The following GRIK2 variants were observed in gnomAD, a reference collection of about 807,000 sequenced individuals.
GRIK2 encodes glutamate ionotropic receptor kainate type subunit 2.
In GRIK2, 32 loss-of-function variants were observed where a neutral mutation model predicts 100.3. The observed-to-expected ratio is 0.32, with a 90% CI of 0.24 to 0.43. The LOEUF is 0.43. Ranked by LOEUF, GRIK2 falls within the 20% of genes least tolerant of loss-of-function variation. The pLI is 1.00. For missense variants in GRIK2, 843 were observed against 1,114.9 expected (o/e 0.76, Z 3.47); for synonymous variants, 417 against 389.4 (o/e 1.07, Z -0.83).
chr6:102,020,846 C>T (rs1020792895), intron 14 of GRIK2, among the ~76,000 whole-genome samples: 5 of 151,476 alleles, frequency 3.3e-5, no homozygotes, highest in African/African-American at 1.2e-4. Flanking sequence ...TAAGGATATT[C>T]CGAAGGAACA....
intron 12 of GRIK2, chr6:101,891,498 T>G: frequency 2.9e-6 from 1 of 341,348 alleles, no homozygotes; most frequent in Admixed American, 4.3e-5. Context: ...GCCTGGGAGA[T>G]ATAGCAGGAC....
At chr6:101,501,784 G>A (rs1315090161) in intron 2 of GRIK2, among the ~76,000 whole-genome samples, 1 of 152,048 alleles carries the variant, frequency 6.6e-6, no homozygotes, top group Non-Finnish European at 1.5e-5. Context: ...CCAAGACAGG[G>A]TCTCACTTTA....
At chr6:101,603,896 A>C (rs1044508627) in intron 2 of GRIK2, among the ~76,000 whole-genome samples, 4 of 151,924 alleles carry the variant, frequency 2.6e-5, no homozygotes, top group Middle Eastern at 3.4e-3. Context: ...GAATAAGAAA[A>C]AAGAATTATG....
chr6:101,710,083 TAG>T (rs1163731101), intron 7 of GRIK2, among the ~76,000 whole-genome samples: 3 of 152,010 alleles, frequency 2.0e-5, no homozygotes, highest in Non-Finnish European at 4.4e-5. Context: ...ATGCCACTGT[TAG>T]AGATACTTGG....
intron 15 of GRIK2, among the ~76,000 whole-genome samples, chr6:102,051,736 C>T (rs950032563): frequency 3.3e-5 from 5 of 152,086 alleles, no homozygotes; most frequent in Admixed American, 3.3e-4. Context: ...CTACCTTCCT[C>T]CACTCATTTA....
At chr6:101,748,431 A>T (rs931921044) in intron 7 of GRIK2, among the ~76,000 whole-genome samples, 2 of 152,140 alleles carry the variant, frequency 1.3e-5, no homozygotes, top group African/African-American at 4.8e-5. Flanking sequence ...TGGGACAGCT[A>T]AAAGACATTA....
chr6:101,765,334 A>T (rs1242857399), intron 7 of GRIK2, among the ~76,000 whole-genome samples: 1 of 152,164 alleles, frequency 6.6e-6, no homozygotes, highest in African/African-American at 2.4e-5. Context: ...GCATTAGCTT[A>T]GTGCCTAGCA....
chr6:102,042,580 TA>T (rs2114457932), intron 15 of GRIK2, among the ~76,000 whole-genome samples: 1 of 151,680 alleles, frequency 6.6e-6, no homozygotes, highest in African/African-American at 2.4e-5. Flanking sequence ...GAAAAAGATA[TA>T]TTTTTTTCTT....
intron 7 of GRIK2, among the ~76,000 whole-genome samples, chr6:101,701,374 T>TA (rs1338116896): frequency 6.6e-6 from 1 of 152,060 alleles, no homozygotes; most frequent in African/African-American, 2.4e-5. Context: ...TCAGGGGTCT[T>TA]ACGAATAATG....
intron 15 of GRIK2, among the ~76,000 whole-genome samples, chr6:102,046,925 A>T (rs978006373): frequency 3.9e-5 from 6 of 152,164 alleles, no homozygotes; most frequent in African/African-American, 1.4e-4. Flanking sequence ...GAAAATTAAC[A>T]AGTATGTAGA....
At chr6:101,911,284 A>G (rs1272637568) in intron 12 of GRIK2, among the ~76,000 whole-genome samples, 2 of 151,560 alleles carry the variant, frequency 1.3e-5, no homozygotes, top group Non-Finnish European at 3.0e-5. Flanking sequence ...TGCCTGTCAC[A>G]ATTACAAAAC....
At chr6:101,785,145 T>A in intron 7 of GRIK2, among the ~76,000 whole-genome samples, 1 of 147,488 alleles carries the variant, frequency 6.8e-6, no homozygotes, top group African/African-American at 2.4e-5. Flanking sequence ...TTAATGGGAT[T>A]TTTTATTTAT....
intron 7 of GRIK2, among the ~76,000 whole-genome samples, chr6:101,739,655 G>C (rs1775898355): frequency 6.6e-6 from 1 of 152,080 alleles, no homozygotes; most frequent in African/African-American, 2.4e-5. Flanking sequence ...AAAAAATTAG[G>C]TAATTATAAG....
intron 7 of GRIK2, among the ~76,000 whole-genome samples, chr6:101,773,125 A>G (rs1290552821): frequency 6.6e-6 from 1 of 152,220 alleles, no homozygotes; most frequent in African/African-American, 2.4e-5. Context: ...TCCTCATGGC[A>G]ATAAAACAAT....
chr6:102,023,343 TA>T (rs573848555), intron 14 of GRIK2, among the ~76,000 whole-genome samples: 1 of 149,914 alleles, frequency 6.7e-6, no homozygotes, highest in Admixed American at 6.7e-5. Flanking sequence ...AAGGGAGGGG[TA>T]AAAAAAGAAA....
At chr6:101,721,952 T>C (rs186563878) in intron 7 of GRIK2, among the ~76,000 whole-genome samples, 1 of 152,148 alleles carries the variant, frequency 6.6e-6, no homozygotes, top group East Asian at 1.9e-4. Context: ...TTTTTTCCGA[T>C]TTATTTTTGT....
chr6:101,994,838 G>A (rs1386754904), intron 14 of GRIK2, among the ~76,000 whole-genome samples: 1 of 151,580 alleles, frequency 6.6e-6, no homozygotes, highest in African/African-American at 2.4e-5. Context: ...TAAATTATAG[G>A]GCAACCATAA....
chr6:101,805,672 G>A lies in GRIK2; in HGVS notation c.1203+3234G>A, dbSNP rs139075394. ...GGTTATAATCTAATAGAGGAAACCTGCCAATAATAAATAGACTCATTAGAC... is the reference window on the plus strand; with the variant it reads ...GGTTATAATCTAATAGAGGAAACCTACCAATAATAAATAGACTCATTAGAC... On this transcript the variant is annotated intron_variant, in intron 9 of 16. Transcript: ENST00000369134. Among the ~76,000 whole-genome samples, 1,142 of 152,044 alleles carry A rather than the reference G, an allele frequency of 7.5e-3. 7 individuals are homozygous for A. The highest frequency in any genetic ancestry group is 9.8e-3 in the Non-Finnish European group (664 of 67,934).
chr6:101,464,159 T>C (rs981099035), intron 2 of GRIK2, among the ~76,000 whole-genome samples: 15 of 152,136 alleles, frequency 9.9e-5, no homozygotes, highest in Non-Finnish European at 2.1e-4. Context: ...AGAGCACATG[T>C]GGAACAGAGC....
Sources: allele counts gnomAD v4.1 joint callset (sites outside exome capture counted in the v4.1 genomes callset), GRCh38; gene constraint gnomAD v4.1.1; transcripts MANE v1.5; gene names NCBI Gene and HGNC (gene_info 2026-07-23, HGNC 2026-07-21).